Variants in GBP7 observed in about 807,000 individuals in gnomAD.
GBP7 encodes guanylate binding protein 7, also known as guanylate-binding protein 7.
A neutral mutation model predicts 61.3 loss-of-function variants in GBP7; 43 were observed. The ratio of observed to expected loss-of-function variants is 0.70; its 90% confidence interval spans 0.55 to 0.91. The LOEUF is 0.91. Ranked by LOEUF, GBP7 falls within the 40% of genes least tolerant of loss-of-function variation. The pLI, the probability that GBP7 is intolerant of heterozygous loss-of-function variation, is 0.00. For missense variants in GBP7, 717 were observed against 740.5 expected (o/e 0.97, Z 0.37); for synonymous variants, 267 against 271.0 (o/e 0.99, Z 0.14).
intron 3 of GBP7, among the ~76,000 whole-genome samples, chr1:89,158,211 C>T (rs1682359773): frequency 6.6e-6 from 1 of 152,150 alleles, no homozygotes. Context: ...GGATGTATTT[C>T]AAAATAATAA....
chr1:89,149,229 G>A, intron 7 of GBP7, 63 bp downstream of exon 7: 2 of 1,385,260 alleles, frequency 1.4e-6, no homozygotes, highest in South Asian at 3.0e-5. Context: ...CATTAAAAAG[G>A]TGGACTATAA....
At position 89,171,944 on chromosome 1, in the gene GBP7, C is replaced by T. The variant is rs758851126; in HGVS notation, c.-9G>A. On this transcript the variant is annotated 5_prime_UTR_variant, in exon 2 of 11. Transcript: ENST00000294671. ...TGGATCTCTGATGCCATGTTCAGGG[C>T]GTTCCTCTGTCTGCAAGGAAAAAAT... is the stretch of plus-strand genomic sequence containing the variant. 8.6e-5 allele frequency: 138 copies of T among 1,605,004 alleles called. No individual in the cohort carries two copies. The highest frequency in any genetic ancestry group is 4.5e-5 in the East Asian group (2 of 44,762).
chr1:89,133,907 A>C lies in GBP7; in HGVS notation c.1469-456T>G, dbSNP rs566125783. On this transcript the variant is annotated intron_variant, in intron 9 of 10. Transcript: ENST00000294671. ...AGATATTTGGCACAGGAATGGCTGC[A>C]GTGGAGCACAACCAGGAACTCCCAT... Among the ~76,000 whole-genome samples the C allele has an allele frequency of 3.3e-5, 5 of 152,326 alleles. No individual in the cohort carries two copies. The East Asian group carries it at 9.7e-4, about 29-fold the overall frequency.
intron 7 of GBP7, 87 bp downstream of exon 7, chr1:89,149,202 AAGG>A: frequency 9.1e-7 from 1 of 1,104,412 alleles, no homozygotes; most frequent in East Asian, 2.5e-5. Context: ...TTACTACAAG[AAGG>A]AGATGAACCA....
chr1:89,132,472 A>G lies in GBP7; in HGVS notation c.1663-69T>C. 2.6e-6 allele frequency: 3 copies of G among 1,148,540 alleles called. 1 individual carries two copies. The South Asian group carries it at 4.5e-5, about 17-fold the overall frequency. 71.1% of individuals were successfully genotyped at this position (1,148,540 alleles called of 1,614,324 possible). A position where few individuals can be genotyped will look rare whatever the true frequency, so the allele number is the denominator to read the frequency against. The stretch of plus-strand genomic sequence containing the variant: ...AAGAGACCGAGGTTTGTATTTAACA[A>G]TTTCATTAGTTAAACATGTGTCCAT... On this transcript the variant is annotated intron_variant, in intron 10 of 10. Transcript: ENST00000294671.
At chr1:89,161,633 T>C (rs1196166992) in intron 3 of GBP7, among the ~76,000 whole-genome samples, 1 of 152,102 alleles carries the variant, frequency 6.6e-6, no homozygotes, top group Non-Finnish European at 1.5e-5. Context: ...TTTTTGTGTG[T>C]GTGAATTTGT....
In GBP7 at chr1:89,133,368, C is replaced by T. The variant is rs769233558; in HGVS notation, c.1552G>A (p.Ala518Thr). The T allele has an allele frequency of 5.6e-6, 9 of 1,613,906 alleles. No homozygotes were observed. Among genetic ancestry groups the T allele is most frequent in the Middle Eastern group, 3.3e-4 (2 of 6,084 alleles). ...TTTTCCTGGAAACTTCTCTCTTGAGCCTCCATCATTTGCTGCTGTTCCTTC... is the reference window on the plus strand; with the variant it reads ...TTTTCCTGGAAACTTCTCTCTTGAGTCTCCATCATTTGCTGCTGTTCCTTC... ...KQKEQQQMMEAQERSFQENIA... is the reference protein window; with the variant it reads ...KQKEQQQMMETQERSFQENIA... The change falls in exon 10 of 11, where the codon GCT (alanine) becomes ACT (threonine). Residue 518 changes from alanine to threonine, a missense_variant. By Grantham distance (58) the Ala-to-Thr change is moderately conservative. Coordinates refer to ENST00000294671, the MANE Select transcript of GBP7 (RefSeq NM_207398.3).
chr1:89,137,444 A>C (rs1283192966), intron 9 of GBP7, among the ~76,000 whole-genome samples: 1 of 152,210 alleles, frequency 6.6e-6, no homozygotes, highest in East Asian at 1.9e-4. Context: ...GCACATTAAA[A>C]AGCGAACCCA....
chr1:89,137,036 C>T (rs946752792), intron 9 of GBP7, among the ~76,000 whole-genome samples: 2 of 151,994 alleles, frequency 1.3e-5, no homozygotes, highest in African/African-American at 4.8e-5. Context: ...CCACTATGCA[C>T]ACTAACTAAG....
In GBP7 at chr1:89,149,003, CTAAG is replaced by C. The variant is rs527770033; in HGVS notation, c.1152+285_1152+288del. 7.2e-3 allele frequency among the ~76,000 whole-genome samples: 1,093 copies of C among 152,142 alleles called. 8 individuals are homozygous for C. The highest frequency in any genetic ancestry group is 0.025 in the African/African-American group (1,058 of 41,500). ...TATTTGTCATTCTAAATACTATTCT[CTAAG>C]TAATTTTCAAGAATGCAATACATTG... On this transcript the variant is annotated intron_variant, in intron 7 of 10. Transcript: ENST00000294671.
At chr1:89,139,258 C>A (rs1681879905) in intron 9 of GBP7, among the ~76,000 whole-genome samples, 1 of 152,146 alleles carries the variant, frequency 6.6e-6, no homozygotes, top group South Asian at 2.1e-4. Flanking sequence ...AAAGCTGAAA[C>A]TGGATCCCTT....
At position 89,171,760 on chromosome 1, in the gene GBP7, G is replaced by GC. The variant is rs1647605344; in HGVS notation, c.175dup (p.Ala59GlyfsTer16). On this transcript the variant is annotated frameshift_variant, in exon 2 of 11. Transcript: ENST00000294671. LOFTEE classifies it high-confidence loss of function. The stretch of plus-strand genomic sequence containing the variant: ...GTGCCACTCACCTTTGTTCTTCCCA[G>GC]CCAGCTTGTTCATTAGGTAGGATTT... The GC allele has an allele frequency of 1.9e-6, 3 of 1,612,602 alleles. No homozygotes were observed. Among genetic ancestry groups the GC allele is most frequent in the African/African-American group, 2.7e-5 (2 of 74,468 alleles).
chr1:89,148,020 A>G (rs1682109088), intron 7 of GBP7, among the ~76,000 whole-genome samples: 1 of 152,202 alleles, frequency 6.6e-6, no homozygotes, highest in African/African-American at 2.4e-5. Flanking sequence ...CTAACTATAA[A>G]CAACAAGCAA....
chr1:89,163,254 G>T lies in GBP7; in HGVS notation c.318+1477C>A, dbSNP rs151275130. 4.8e-3 allele frequency among the ~76,000 whole-genome samples: 732 copies of T among 152,254 alleles called. 4 individuals carry two copies. The highest frequency in any genetic ancestry group is 0.016 in the African/African-American group (677 of 41,550). On this transcript the variant is annotated intron_variant, in intron 3 of 10. Transcript: ENST00000294671. The stretch of plus-strand genomic sequence containing the variant: ...GTTGTTGTATCTCTTCCAGGTTTTG[G>T]TATCAGGATGATGCTGGCCCCATAG...
chr1:89,155,682 A>T (rs1682301826), intron 3 of GBP7, among the ~76,000 whole-genome samples: 1 of 152,216 alleles, frequency 6.6e-6, no homozygotes, highest in African/African-American at 2.4e-5. Flanking sequence ...AAATGAACAA[A>T]GCCTCCAAGA....
intron 8 of GBP7, among the ~76,000 whole-genome samples, chr1:89,146,094 C>T (rs1035571499): frequency 1.8e-4 from 28 of 152,092 alleles, no homozygotes; most frequent in African/African-American, 6.8e-4. Context: ...GTAATGCTGG[C>T]ATAAAGAGAC....
chr1:89,150,215 A>G (rs1035021780), intron 6 of GBP7, 115 bp downstream of exon 6: 1 of 951,690 alleles, frequency 1.1e-6, no homozygotes, highest in Non-Finnish European at 1.6e-6. Flanking sequence ...CTTATCCCAC[A>G]CCTCATAACA....
intron 2 of GBP7, among the ~76,000 whole-genome samples, chr1:89,165,111 C>T (rs1406301892): frequency 6.6e-6 from 1 of 152,108 alleles, no homozygotes; most frequent in African/African-American, 2.4e-5. Context: ...CTCTATTAAC[C>T]TGTTGCTATG....
rs1182625449 is a variant in GBP7 at position 89,167,596 on chromosome 1, C to T, written c.191-2738G>A. Among the ~76,000 whole-genome samples the T allele has an allele frequency of 1.3e-5, 2 of 152,140 alleles. 1 individual carries two copies. The highest frequency in any genetic ancestry group is 6.3e-3 in the Middle Eastern group (2 of 316). On this transcript the variant is annotated intron_variant, in intron 2 of 10. Transcript: ENST00000294671. ...TAGGCATGGGTTGACCAATTTAAAG[C>T]AATTAAAGCAGTGCCATCATTAATG...
Sources: gnomAD v4.1 joint callset for allele counts (sites outside exome capture counted in the v4.1 genomes callset) on GRCh38, gnomAD v4.1.1 for gene constraint, MANE v1.5 for transcripts, NCBI Gene and HGNC (gene_info 2026-07-23, HGNC 2026-07-21) for gene names.